The following CHD1L variants were observed in gnomAD, a reference collection of about 807,000 sequenced individuals.
The protein encoded by CHD1L is ATP-dependent chromatin remodeler CHD1L.
Under a neutral mutation model 115.9 loss-of-function variants are expected in CHD1L, and 118 were observed. That is an observed-to-expected ratio of 1.02 (90% CI 0.88 to 1.19). The LOEUF is 1.19. CHD1L is among the 50% of genes most tolerant of loss of function. The pLI is 0.00. For synonymous variants in CHD1L, 411 were observed against 387.1 expected (o/e 1.06, Z -0.72); for missense variants, 1,179 against 1,065.3 (o/e 1.11, Z -1.49).
intron 5 of CHD1L, among the ~76,000 whole-genome samples, chr1:147,257,573 G>A (rs1553941227): frequency 6.6e-6 from 1 of 152,160 alleles, no homozygotes; most frequent in African/African-American, 2.4e-5. Flanking sequence ...ACAAACTCCA[G>A]TGGAGGGATG....
chr1:147,243,556 A>G (rs1205655882), intron 1 of CHD1L, among the ~76,000 whole-genome samples: 1 of 151,936 alleles, frequency 6.6e-6, no homozygotes, highest in Non-Finnish European at 1.5e-5. Flanking sequence ...GGCTGACCGT[A>G]CTTCCTGCAG....
intron 3 of CHD1L, 106 bp downstream of exon 3, chr1:147,255,082 GT>G: frequency 1.3e-6 from 1 of 774,858 alleles, no homozygotes. Context: ...TAATTAGTAA[GT>G]TTATTCCAGA....
At chr1:147,173,979 G>T in the CHD1L span, among the ~76,000 whole-genome samples, 13 of 152,160 alleles carry the variant, frequency 8.5e-5, no homozygotes, top group Admixed American at 1.3e-4. Flanking sequence ...GCTTAAACAC[G>T]GCCAATGATG....
At chr1:147,212,016 C>T in the CHD1L span, among the ~76,000 whole-genome samples, 2 of 152,216 alleles carry the variant, frequency 1.3e-5, no homozygotes, top group African/African-American at 4.8e-5. Flanking sequence ...CATAGCACTT[C>T]TGCTGGCCAA....
In CHD1L at chr1:147,295,570, G is replaced by A; in HGVS notation, c.*61G>A. The stretch of plus-strand genomic sequence containing the variant: ...CAGCTAATATTTACCCAGAGGTACT[G>A]CAATAGAGTATTTCAAAATGGAATC... On this transcript the variant is annotated 3_prime_UTR_variant, in exon 23 of 23. Coordinates refer to ENST00000369258, the MANE Select transcript of CHD1L (RefSeq NM_004284.6). 8.4e-7 allele frequency: 1 copy of A among 1,186,318 alleles called. No individual in the cohort carries two copies. Among genetic ancestry groups the A allele is most frequent in the Non-Finnish European group, 1.2e-6 (1 of 824,702 alleles). The allele number at this position is 1,186,318 out of a possible 1,614,324, so 73.5% of individuals were successfully genotyped here.
the CHD1L span, among the ~76,000 whole-genome samples, chr1:147,180,551 A>G: frequency 3.3e-5 from 5 of 152,218 alleles, no homozygotes; most frequent in Admixed American, 3.3e-4. Flanking sequence ...TTGGCCTCCC[A>G]GAGTGCTGGG....
chr1:147,276,285 T>A (rs1490117531), intron 14 of CHD1L, 28 bp downstream of exon 14: 1 of 1,612,682 alleles, frequency 6.2e-7, no homozygotes, highest in South Asian at 1.1e-5. Context: ...GTTCTTCACT[T>A]TGGAATATAC....
chr1:147,287,239 G>A (rs1416975342), intron 18 of CHD1L, among the ~76,000 whole-genome samples: 1 of 152,162 alleles, frequency 6.6e-6, no homozygotes, highest in Non-Finnish European at 1.5e-5. Flanking sequence ...GTACCAGCTT[G>A]AATAAGTCAC....
At chr1:147,189,954 CAT>C in the CHD1L span, among the ~76,000 whole-genome samples, 2 of 152,106 alleles carry the variant, frequency 1.3e-5, no homozygotes, top group Non-Finnish European at 2.9e-5. Flanking sequence ...AGGCATTAAA[CAT>C]ATGATTTTAG....
the CHD1L span, chr1:147,208,678 A>G: frequency 1.9e-6 from 1 of 524,918 alleles, no homozygotes. Flanking sequence ...AGCTCAGGTG[A>G]TCCACCCGCC....
At chr1:147,244,579 A>G (rs755820026) in intron 1 of CHD1L, among the ~76,000 whole-genome samples, 34 of 152,158 alleles carry the variant, frequency 2.2e-4, no homozygotes, top group Non-Finnish European at 4.7e-4. Flanking sequence ...ATTAATCTCC[A>G]TAATCTCCTT....
At chr1:147,215,760 T>A in the CHD1L span, 1 of 1,596,950 alleles carries the variant, frequency 6.3e-7, no homozygotes, top group South Asian at 1.1e-5. Flanking sequence ...CTACCTTAAA[T>A]CGAATATACT....
the CHD1L span, among the ~76,000 whole-genome samples, chr1:147,209,295 A>G: frequency 6.6e-4 from 101 of 152,010 alleles, 1 homozygote; most frequent in Non-Finnish European, 9.3e-4. Context: ...AAAATTAGCC[A>G]GGCGTGGTTG....
the CHD1L span, chr1:147,178,131 A>C: frequency 6.9e-6 from 11 of 1,600,330 alleles, no homozygotes; most frequent in African/African-American, 1.3e-5. Context: ...TCCGCCGCCC[A>C]GCGCTGTTCC....
At chr1:147,239,120 T>G (rs1359038739), upstream of CHD1L, among the ~76,000 whole-genome samples, 1 of 152,218 alleles carries the variant, frequency 6.6e-6, no homozygotes, top group African/African-American at 2.4e-5. Context: ...TAGAACTGTT[T>G]ACTTTCTGGT....
the CHD1L span, chr1:147,178,997 A>G: frequency 3.7e-6 from 6 of 1,613,990 alleles, no homozygotes; most frequent in East Asian, 6.7e-5. Context: ...GATGCTGGGC[A>G]CAAACTCAAC....
chr1:147,239,536 G>T (rs913780820), upstream of CHD1L, among the ~76,000 whole-genome samples: 1 of 151,984 alleles, frequency 6.6e-6, no homozygotes, highest in Non-Finnish European at 1.5e-5. Flanking sequence ...CACCATGCTG[G>T]CCCCAAAACT....
chr1:147,273,890 TGA>T (rs1470235730), intron 12 of CHD1L, among the ~76,000 whole-genome samples: 5 of 152,216 alleles, frequency 3.3e-5, no homozygotes, highest in African/African-American at 4.8e-5. Flanking sequence ...ATTTCTGTGA[TGA>T]GTCATGTTGC....
At chr1:147,207,319 T>C in the CHD1L span, among the ~76,000 whole-genome samples, 1 of 152,170 alleles carries the variant, frequency 6.6e-6, no homozygotes, top group Non-Finnish European at 1.5e-5. Flanking sequence ...AACAGGTGAA[T>C]CCAGGTGAAG....
Sources: gnomAD v4.1 joint callset for allele counts (sites outside exome capture counted in the v4.1 genomes callset) on GRCh38, gnomAD v4.1.1 for gene constraint, MANE v1.5 for transcripts, NCBI Gene and HGNC (gene_info 2026-07-23, HGNC 2026-07-21) for gene names.